Variants in CCDC141 observed in about 807,000 individuals in gnomAD.
CCDC141 encodes the protein coiled-coil domain-containing protein 141.
CCDC141 carries 168 observed loss-of-function variants against 181.0 expected under a neutral mutation model. The observed-to-expected ratio is 0.93, with a 90% CI of 0.82 to 1.05. The LOEUF is 1.05. Ranked by LOEUF, CCDC141 falls within the 50% of genes least tolerant of loss-of-function variation. The pLI, the probability that CCDC141 is intolerant of heterozygous loss-of-function variation, is 0.00. For synonymous variants in CCDC141, 666 were observed against 642.3 expected, an observed-to-expected ratio of 1.04 and a Z score of -0.56; for missense variants, 1,902 against 1,788.5, an observed-to-expected ratio of 1.06 and a Z score of -1.14.
intron 1 of CCDC141, 131 bp from the exon 2 acceptor site, chr2:179,047,537 T>G (rs889341626): frequency 5.4e-6 from 4 of 746,306 alleles, no homozygotes; most frequent in Non-Finnish European, 5.9e-6. Flanking sequence ...TCTATTTTTT[T>G]CCATTCTTTC....
At chr2:178,977,713 C>T (rs1559021199) in intron 3 of CCDC141, among the ~76,000 whole-genome samples, 1 of 152,120 alleles carries the variant, frequency 6.6e-6, no homozygotes, top group Non-Finnish European at 1.5e-5. Context: ...TTTTTCAAAG[C>T]TAATGCTTTA....
At chr2:178,886,931 CAT>C (rs1446463715) in intron 9 of CCDC141, 60 bp from the exon 10 acceptor site, 1 of 993,732 alleles carries the variant, frequency 1.0e-6, no homozygotes, top group Non-Finnish European at 1.3e-6. Context: ...TATGTACGCA[CAT>C]GTGTCAGGAA....
In CCDC141 at chr2:178,837,505, G is replaced by A. The variant is rs749302412; in HGVS notation, c.3714C>T (p.Val1238=). The change falls in exon 23 of 24, where the codon GTC becomes GTT. Residue 1238 remains valine, a synonymous_variant. Coordinates refer to ENST00000443758, the MANE Select transcript of CCDC141 (RefSeq NM_173648.4). ...APSDMEVEEP[V]SSSLSLHISS... is the part of the protein sequence containing the mutation. ...TTATGTGAAGGCTGAGGGAGGAGCT[G>A]ACAGGCTCTTCCACCTCCATGTCAG... 5 of 1,613,934 alleles carry A rather than the reference G, an allele frequency of 3.1e-6. No homozygotes were observed. In the African/African-American group the frequency reaches 4.0e-5, roughly 13 times the overall value.
At chr2:179,016,906 G>A (rs1253900729) in intron 2 of CCDC141, among the ~76,000 whole-genome samples, 1 of 151,958 alleles carries the variant, frequency 6.6e-6, no homozygotes, top group Admixed American at 6.6e-5. Context: ...TGAAGTTTGG[G>A]TGAATTGGTC....
At chr2:178,867,878 G>C in intron 16 of CCDC141, 148 bp downstream of exon 16, 1 of 612,262 alleles carries the variant, frequency 1.6e-6, no homozygotes, top group Non-Finnish European at 2.6e-6. Context: ...TTTGTCAGAG[G>C]GTAGAAATGA....
Position 178,869,213 on chromosome 2 carries a change from C to T in CCDC141, c.2298G>A (p.Lys766=). 1 of 1,613,660 alleles carries T rather than the reference C, an allele frequency of 6.2e-7. No individual in the cohort carries two copies. Among genetic ancestry groups the T allele is most frequent in the Non-Finnish European group, 8.5e-7 (1 of 1,179,728 alleles). ...GTTTTTGATGGAAGTGAATAAGGTC[C>T]TTCAGTTGTTGAGACTTTTCTTTTA... ...APVKEKSQQL[K]DLIHFHQKQK... Residue 766 remains lysine, a synonymous_variant, in exon 15 of 24, where the codon AAG becomes AAA. Transcript: ENST00000443758.
intron 2 of CCDC141, among the ~76,000 whole-genome samples, chr2:178,998,063 A>G (rs1692368682): frequency 6.6e-6 from 1 of 152,184 alleles, no homozygotes; most frequent in African/African-American, 2.4e-5. Flanking sequence ...TCATTTTTGC[A>G]TGTCTTATTT....
the CCDC141 span, among the ~76,000 whole-genome samples, chr2:178,818,270 T>G: frequency 0.02 from 3,076 of 152,182 alleles, 43 homozygotes; most frequent in Non-Finnish European, 0.032. Context: ...CCCATAAAGG[T>G]GACTTTTTAA....
chr2:179,025,960 T>C (rs145125037), intron 2 of CCDC141, among the ~76,000 whole-genome samples: 1 of 152,226 alleles, frequency 6.6e-6, no homozygotes, highest in African/African-American at 2.4e-5. Context: ...TTAGGGTATC[T>C]GGCAGAAGAA....
At chr2:178,900,539 G>A (rs1185290580) in intron 8 of CCDC141, among the ~76,000 whole-genome samples, 1 of 151,996 alleles carries the variant, frequency 6.6e-6, no homozygotes, top group African/African-American at 2.4e-5. Flanking sequence ...AGTTGAATGA[G>A]ACAGCACCAC....
At chr2:179,015,618 C>G (rs1342808055) in intron 2 of CCDC141, among the ~76,000 whole-genome samples, 88 of 69,438 alleles carry the variant, frequency 1.3e-3, no homozygotes, top group Admixed American at 2.5e-3. Context: ...TCATATAGCT[C>G]ATATATATCT....
chr2:178,939,270 T>C (rs1268795020), intron 6 of CCDC141, among the ~76,000 whole-genome samples: 1 of 152,186 alleles, frequency 6.6e-6, no homozygotes, highest in East Asian at 1.9e-4. Flanking sequence ...AATTTTATTT[T>C]GCACTGGGCC....
In CCDC141 at chr2:178,829,767, A is replaced by G. The variant is rs1228940463; in HGVS notation, c.*4406T>C. 1 of 152,238 alleles carries G rather than the reference A, an allele frequency of 6.6e-6. No homozygotes were observed. Among genetic ancestry groups the G allele is most frequent in the Non-Finnish European group, 1.5e-5 (1 of 68,040 alleles). 9.4% of individuals were successfully genotyped at this position (152,238 alleles called of 1,614,324 possible). A position where few individuals can be genotyped will look rare whatever the true frequency, so the allele number is the denominator to read the frequency against. On this transcript the variant is annotated 3_prime_UTR_variant, in exon 24 of 24. Transcript: ENST00000443758. ...CACAATATCAGAGCATACTGGAAGG[A>G]GATATTTTATTTTGTTTCAACTAAC...
chr2:178,822,811 A>C, the CCDC141 span, among the ~76,000 whole-genome samples: 1 of 152,308 alleles, frequency 6.6e-6, no homozygotes, highest in African/African-American at 2.4e-5. Context: ...GAAATTTAAA[A>C]CAAAAGTGAA....
chr2:178,931,473 T>C (rs1323442446), intron 6 of CCDC141, among the ~76,000 whole-genome samples: 12 of 152,142 alleles, frequency 7.9e-5, no homozygotes, highest in Admixed American at 7.2e-4. Flanking sequence ...ATCCATACAA[T>C]GGAATATTAT....
At chr2:178,998,299 C>T (rs1174997052) in intron 2 of CCDC141, among the ~76,000 whole-genome samples, 1 of 152,166 alleles carries the variant, frequency 6.6e-6, no homozygotes, top group African/African-American at 2.4e-5. Flanking sequence ...CCTTACAGTT[C>T]AGGGAAGATA....
intron 4 of CCDC141, among the ~76,000 whole-genome samples, chr2:178,969,104 CAAAAAAAAAAA>C (rs55999054): frequency 2.3e-4 from 12 of 51,172 alleles, no homozygotes; most frequent in Non-Finnish European, 3.5e-4. Context: ...GCTTACCAAC[CAAAAAAAAAAA>C]AAAAAAAAAA....
At chr2:178,899,054 C>A (rs963391142) in intron 8 of CCDC141, among the ~76,000 whole-genome samples, 2 of 152,134 alleles carry the variant, frequency 1.3e-5, no homozygotes, top group Non-Finnish European at 2.9e-5. Context: ...CAGTTATACA[C>A]TGTATAACAT....
At chr2:178,916,099 C>A (rs1411318635) in intron 7 of CCDC141, among the ~76,000 whole-genome samples, 1 of 152,092 alleles carries the variant, frequency 6.6e-6, no homozygotes, top group Admixed American at 6.5e-5. Flanking sequence ...AAATCTCAAA[C>A]CCCTCACAGT....
Sources: gnomAD v4.1 joint callset for allele counts (sites outside exome capture counted in the v4.1 genomes callset) on GRCh38, gnomAD v4.1.1 for gene constraint, MANE v1.5 for transcripts, NCBI Gene and HGNC (gene_info 2026-07-23, HGNC 2026-07-21) for gene names.